CORIN: variants seen among roughly 807,000 people sequenced by gnomAD.
CORIN encodes the protein corin, serine peptidase, also known as atrial natriuretic peptide-converting enzyme.
A neutral mutation model predicts 125.3 loss-of-function variants in CORIN; 117 were observed. The ratio of observed to expected loss-of-function variants is 0.93; its 90% confidence interval spans 0.80 to 1.09. The LOEUF (loss-of-function observed/expected upper bound fraction) is 1.09, where lower values mean the gene tolerates loss of function less well. CORIN is among the 50% of genes least tolerant of loss of function. CORIN has a pLI of 0.00. For missense variants in CORIN, 1,253 were observed against 1,306.7 expected, an observed-to-expected ratio of 0.96 and a Z score of 0.63; for synonymous variants, 450 against 466.4, an observed-to-expected ratio of 0.96 and a Z score of 0.45.
chr4:47,828,567 A>G (rs890830255), intron 1 of CORIN, among the ~76,000 whole-genome samples: 1 of 152,196 alleles, frequency 6.6e-6, no homozygotes, highest in African/African-American at 2.4e-5. Flanking sequence ...GGGCATTGTG[A>G]TCACATCAGG....
At chr4:47,730,510 TG>T (rs1046425896) in intron 5 of CORIN, among the ~76,000 whole-genome samples, 21 of 148,618 alleles carry the variant, frequency 1.4e-4, no homozygotes, top group Non-Finnish European at 1.5e-5. Flanking sequence ...CTTGCCCACT[TG>T]GGCTTCAGGA....
At chr4:47,793,757 A>T (rs1731175517) in intron 2 of CORIN, among the ~76,000 whole-genome samples, 1 of 152,202 alleles carries the variant, frequency 6.6e-6, no homozygotes, top group Non-Finnish European at 1.5e-5. Context: ...GTACAGATAT[A>T]GGAGTATGAA....
chr4:47,642,154 T>C, intron 15 of CORIN, 105 bp from the exon 16 acceptor site: 1 of 1,209,704 alleles, frequency 8.3e-7, no homozygotes, highest in Non-Finnish European at 1.2e-6. Flanking sequence ...TCATTTTCAT[T>C]TATTTTAGTT....
chr4:47,667,533 GT>G (rs1724534899), intron 10 of CORIN, among the ~76,000 whole-genome samples: 1 of 152,078 alleles, frequency 6.6e-6, no homozygotes, highest in South Asian at 2.1e-4. Context: ...CTAAGAAGTG[GT>G]ATCCATGCAA....
chr4:47,704,288 C>A (rs1015431139), intron 5 of CORIN, among the ~76,000 whole-genome samples: 1 of 152,140 alleles, frequency 6.6e-6, no homozygotes, highest in Non-Finnish European at 1.5e-5. Flanking sequence ...ATTCCAGAGT[C>A]ATAGCTCCCA....
At position 47,674,391 on chromosome 4, in the gene CORIN, A is replaced by C. The variant is rs1271889823; in HGVS notation, c.1357+2T>G. 1.9e-6 allele frequency: 3 copies of C among 1,598,910 alleles called. No individual in the cohort carries two copies. Among genetic ancestry groups the C allele is most frequent in the Non-Finnish European group, 2.6e-6 (3 of 1,166,264 alleles). On this transcript the variant is annotated splice_donor_variant, in intron 10 of 21. Coordinates refer to ENST00000273857, the MANE Select transcript of CORIN (RefSeq NM_006587.4). LOFTEE classifies it high-confidence loss of function. ...ATTGCATTTGTCAGCTGTTGTACTT[A>C]CTACAGTTATTCAGACTGTTGTTCG...
chr4:47,753,347 C>T (rs934364516), intron 4 of CORIN, among the ~76,000 whole-genome samples: 8 of 152,178 alleles, frequency 5.3e-5, no homozygotes, highest in Non-Finnish European at 5.9e-5. Flanking sequence ...CAGCTGTGCA[C>T]ATATTGTCTT....
chr4:47,837,812 G>T, intron 1 of CORIN, 75 bp downstream of exon 1: 1 of 1,325,862 alleles, frequency 7.5e-7, no homozygotes, highest in Non-Finnish European at 1.1e-6. Context: ...GGGCGGGAGG[G>T]GCTGACCCTG....
chr4:47,774,587 G>T (rs1339847375), intron 3 of CORIN, among the ~76,000 whole-genome samples: 1 of 152,102 alleles, frequency 6.6e-6, no homozygotes, highest in Non-Finnish European at 1.5e-5. Context: ...TTTGGTGAGG[G>T]ATGTGGGAGT....
chr4:47,819,312 T>G (rs1732403893), intron 1 of CORIN, among the ~76,000 whole-genome samples: 1 of 152,182 alleles, frequency 6.6e-6, no homozygotes, highest in Admixed American at 6.5e-5. Flanking sequence ...AAAGGAAGTC[T>G]AGAAGAGCAA....
At chr4:47,622,561 A>G (rs1437191335) in intron 19 of CORIN, among the ~76,000 whole-genome samples, 1 of 151,770 alleles carries the variant, frequency 6.6e-6, no homozygotes, top group African/African-American at 2.4e-5. Context: ...GTGAGATGGT[A>G]TCTCATTGTG....
chr4:47,797,944 G>A (rs1731372135), intron 2 of CORIN, among the ~76,000 whole-genome samples: 1 of 151,906 alleles, frequency 6.6e-6, no homozygotes, highest in Admixed American at 6.6e-5. Flanking sequence ...TTTGTCATAT[G>A]GACCATCAGT....
intron 9 of CORIN, among the ~76,000 whole-genome samples, chr4:47,677,124 TA>T (rs1213519945): frequency 6.6e-6 from 1 of 152,244 alleles, no homozygotes; most frequent in African/African-American, 2.4e-5. Flanking sequence ...AGCCATGTAA[TA>T]AAAGCTCACA....
chr4:47,682,680 T>C (rs576863634), intron 7 of CORIN: 1 of 152,304 alleles, frequency 6.6e-6, no homozygotes, highest in East Asian at 1.9e-4. Context: ...ATTTGATCAT[T>C]ACATATTGTA....
At chr4:47,754,325 G>A (rs1335630905) in intron 4 of CORIN, among the ~76,000 whole-genome samples, 2 of 152,140 alleles carry the variant, frequency 1.3e-5, no homozygotes, top group Non-Finnish European at 2.9e-5. Flanking sequence ...ACAACCAGCT[G>A]CCTAAACAGC....
intron 1 of CORIN, among the ~76,000 whole-genome samples, chr4:47,807,420 G>C (rs374129415): frequency 6.6e-6 from 1 of 152,166 alleles, no homozygotes; most frequent in East Asian, 1.9e-4. Flanking sequence ...GCCTAATACA[G>C]TGATAAAAAA....
chr4:47,659,277 C>T (rs1724139868), intron 12 of CORIN, among the ~76,000 whole-genome samples: 1 of 152,208 alleles, frequency 6.6e-6, no homozygotes, highest in Admixed American at 6.5e-5. Flanking sequence ...CCAACCCCTG[C>T]CTGTTACCCG....
chr4:47,673,585 C>T (rs557917303), intron 10 of CORIN, among the ~76,000 whole-genome samples: 2 of 152,082 alleles, frequency 1.3e-5, no homozygotes, highest in East Asian at 3.9e-4. Flanking sequence ...CATGAGAGTC[C>T]ATAGGGTGCT....
chr4:47,652,505 A>G (rs764926491), intron 13 of CORIN, among the ~76,000 whole-genome samples: 2 of 152,214 alleles, frequency 1.3e-5, no homozygotes, highest in Non-Finnish European at 2.9e-5. Flanking sequence ...TAACCAAACA[A>G]TTCTGTGGAT....
Sources: gnomAD v4.1 joint callset for allele counts (sites outside exome capture counted in the v4.1 genomes callset) on GRCh38, gnomAD v4.1.1 for gene constraint, MANE v1.5 for transcripts, NCBI Gene and HGNC (gene_info 2026-07-23, HGNC 2026-07-21) for gene names.